Variants in UMAD1 observed in about 807,000 individuals in gnomAD.
UMAD1 encodes UBAP1-MVB12-associated (UMA)-domain containing protein 1.
Under a neutral mutation model 6.1 loss-of-function variants are expected in UMAD1, and 8 were observed. The ratio of observed to expected loss-of-function variants is 1.30; its 90% CI spans 0.76 to 2.35. The LOEUF (loss-of-function observed/expected upper bound fraction) is 2.35. Among genes scored for constraint, UMAD1 ranks in the 30% most tolerant of loss-of-function variants. The probability of loss-of-function intolerance (pLI) is 0.00; values close to 1 mark genes in which losing one functional copy is unlikely to be tolerated. For synonymous variants in UMAD1, 56 were observed against 31.4 expected (o/e 1.78, Z -2.61); for missense variants, 130 against 78.4 (o/e 1.66, Z -2.49).
intron 2 of UMAD1, among the ~76,000 whole-genome samples, chr7:7,743,548 T>C (rs553302201): frequency 5.9e-5 from 9 of 152,114 alleles, no homozygotes; most frequent in Non-Finnish European, 1.2e-4. Context: ...ATCATGTTAA[T>C]ACTTTCCCCT....
At chr7:7,877,126 T>C (rs985674654) in intron 3 of UMAD1, among the ~76,000 whole-genome samples, 155 bp from the exon 4 acceptor site, 37 of 152,226 alleles carry the variant, frequency 2.4e-4, no homozygotes, top group Non-Finnish European at 5.1e-4. Context: ...TTTGGATGAA[T>C]GTAATTCTAA....
At chr7:7,796,653 T>A (rs1306098752) in intron 2 of UMAD1, among the ~76,000 whole-genome samples, 17 of 152,188 alleles carry the variant, frequency 1.1e-4, no homozygotes, top group Admixed American at 1.1e-3. Context: ...CAAGATAGTG[T>A]CCCTGACACT....
At chr7:7,650,733 G>T (rs934372382) in intron 1 of UMAD1, among the ~76,000 whole-genome samples, 3 of 152,210 alleles carry the variant, frequency 2.0e-5, no homozygotes, top group African/African-American at 4.8e-5. Flanking sequence ...TCTGCATCCT[G>T]AACCCAGAAT....
intron 2 of UMAD1, among the ~76,000 whole-genome samples, chr7:7,728,300 G>T (rs950211108): frequency 2.0e-5 from 3 of 152,188 alleles, no homozygotes; most frequent in Admixed American, 2.0e-4. Context: ...GCAGGCAAGT[G>T]ATTTAATCTC....
At chr7:7,752,066 A>G (rs1467500687) in intron 2 of UMAD1, among the ~76,000 whole-genome samples, 1 of 152,202 alleles carries the variant, frequency 6.6e-6, no homozygotes, top group Non-Finnish European at 1.5e-5. Context: ...TTAGGTACAT[A>G]GGGTTCATTA....
chr7:7,683,903 G>GTGAGCCAC (rs1176731045), intron 2 of UMAD1, among the ~76,000 whole-genome samples: 1 of 152,160 alleles, frequency 6.6e-6, no homozygotes, highest in African/African-American at 2.4e-5. Flanking sequence ...GATTATAGGC[G>GTGAGCCAC]TGAGCCACTG....
At chr7:7,847,103 AAATATAT>A (rs1460734255) in intron 3 of UMAD1, among the ~76,000 whole-genome samples, 10 of 20,764 alleles carry the variant, frequency 4.8e-4, no homozygotes, top group African/African-American at 1.5e-3. Context: ...AAAAAAAAAA[AAATATAT>A]ATATATATAT....
intron 3 of UMAD1, among the ~76,000 whole-genome samples, chr7:7,864,608 C>T (rs1193740402): frequency 5.1e-5 from 2 of 39,488 alleles, no homozygotes; most frequent in African/African-American, 2.9e-4. Flanking sequence ...AAACTACACA[C>T]ACACACACAC....
chr7:7,770,014 C>CT (rs1223425120), intron 2 of UMAD1, among the ~76,000 whole-genome samples: 3 of 152,114 alleles, frequency 2.0e-5, no homozygotes, highest in South Asian at 2.1e-4. Flanking sequence ...TTTTCTTTCC[C>CT]TTTTTTATTC....
In UMAD1 at chr7:7,874,332, T is replaced by C. The variant is rs187443884; in HGVS notation, c.157-2949T>C. On this transcript the variant is annotated intron_variant, in intron 3 of 3. Transcript: ENST00000682710. ...CTTTCCCCGGCCACCCCACCTCTACTATCTGCTGTCAACCCAGCAACCAGG... is the reference window on the plus strand; with the variant it reads ...CTTTCCCCGGCCACCCCACCTCTACCATCTGCTGTCAACCCAGCAACCAGG... Among the ~76,000 whole-genome samples, 115 of 152,330 alleles carry C rather than the reference T, an allele frequency of 7.5e-4. 1 individual carries two copies. The highest frequency in any genetic ancestry group is 2.6e-3 in the African/African-American group (109 of 41,588).
At chr7:7,806,082 C>G (rs1235204930) in intron 3 of UMAD1, among the ~76,000 whole-genome samples, 1 of 152,178 alleles carries the variant, frequency 6.6e-6, no homozygotes, top group Non-Finnish European at 1.5e-5. Context: ...TCCTTCTTCT[C>G]ACTCCCTCAT....
chr7:7,771,635 C>G (rs533612238), intron 2 of UMAD1, among the ~76,000 whole-genome samples: 1 of 152,244 alleles, frequency 6.6e-6, no homozygotes, highest in Admixed American at 6.5e-5. Context: ...GAATTAAAAG[C>G]TGTTCTAAAC....
At position 7,646,529 on chromosome 7, in the gene UMAD1, A is replaced by G. The variant is rs374059651; in HGVS notation, c.-64+5708A>G. Reference sequence around the variant, plus strand: ...TTAATTCTCTCGTCTGACACCATGTAAGACGTACCTTTTGCTTTCCGCCAT... The same window carrying G: ...TTAATTCTCTCGTCTGACACCATGTGAGACGTACCTTTTGCTTTCCGCCAT... On this transcript the variant is annotated intron_variant, in intron 1 of 3. Transcript: ENST00000682710. Among the ~76,000 whole-genome samples, 12 of 140,292 alleles carry G rather than the reference A, an allele frequency of 8.6e-5. No individual in the cohort carries two copies. In the East Asian group the frequency reaches 2.2e-3, roughly 26 times the overall value. 92.0% of individuals were successfully genotyped at this position (140,292 alleles called of 152,430 possible). A position where few individuals can be genotyped will look rare whatever the true frequency, so the allele number is the denominator to read the frequency against.
chr7:7,840,236 C>A (rs1783652265), intron 3 of UMAD1, among the ~76,000 whole-genome samples: 1 of 152,016 alleles, frequency 6.6e-6, no homozygotes, highest in Non-Finnish European at 1.5e-5. Flanking sequence ...CATGGGAATA[C>A]CCAGCTCGGT....
At chr7:7,875,090 T>C (rs531094477) in intron 3 of UMAD1, among the ~76,000 whole-genome samples, 14 of 152,238 alleles carry the variant, frequency 9.2e-5, no homozygotes, top group East Asian at 3.9e-4. Context: ...ATTATTCTTC[T>C]CCTTTAGACT....
chr7:7,771,372 G>A (rs995979987), intron 2 of UMAD1, among the ~76,000 whole-genome samples: 1 of 152,100 alleles, frequency 6.6e-6, no homozygotes, highest in Non-Finnish European at 1.5e-5. Context: ...TCAATATATT[G>A]GAGCTATATG....
chr7:7,750,095 T>C (rs910083733), intron 2 of UMAD1, among the ~76,000 whole-genome samples: 1 of 152,162 alleles, frequency 6.6e-6, no homozygotes, highest in South Asian at 2.1e-4. Flanking sequence ...AATAGAATTA[T>C]GGTCAATTGC....
At chr7:7,643,314 A>C (rs562731423) in intron 1 of UMAD1, among the ~76,000 whole-genome samples, 1 of 152,326 alleles carries the variant, frequency 6.6e-6, no homozygotes, top group Non-Finnish European at 1.5e-5. Context: ...ATGGGCGTGC[A>C]TGTAACTCCC....
chr7:7,651,486 G>C (rs1785222672), intron 1 of UMAD1, among the ~76,000 whole-genome samples: 1 of 152,200 alleles, frequency 6.6e-6, no homozygotes, highest in Non-Finnish European at 1.5e-5. Flanking sequence ...GTCCTCTTCT[G>C]TCTCGTATTT....
Sources: gnomAD v4.1 joint callset for allele counts (sites outside exome capture counted in the v4.1 genomes callset) on GRCh38, gnomAD v4.1.1 for gene constraint, MANE v1.5 for transcripts, NCBI Gene and HGNC (gene_info 2026-07-23, HGNC 2026-07-21) for gene names.